The following INTS11 variants were observed in gnomAD, a reference collection of about 807,000 sequenced individuals.
The protein encoded by INTS11 is CPSF3-like protein.
In INTS11, 77 loss-of-function variants were observed where a neutral mutation model predicts 78.6. The ratio of observed to expected loss-of-function variants is 0.98; its 90% confidence interval spans 0.81 to 1.18. The LOEUF is 1.18. Ranked by LOEUF, INTS11 falls within the 50% of genes most tolerant of loss-of-function variation. The pLI is 0.00. For missense variants in INTS11, 875 were observed against 825.9 expected, an observed-to-expected ratio of 1.06 and a Z score of -0.73; for synonymous variants, 441 against 326.9, an observed-to-expected ratio of 1.35 and a Z score of -3.77.
Position 1,312,151 on chromosome 1 carries a change from TG to T in INTS11, c.1608-5del. 6.8e-7 allele frequency: 1 copy of T among 1,467,458 alleles called. No individual in the cohort carries two copies. Among genetic ancestry groups the T allele is most frequent in the Non-Finnish European group, 8.9e-7 (1 of 1,127,502 alleles). 90.9% of individuals were successfully genotyped at this position (1,467,458 alleles called of 1,614,324 possible). A position where few individuals can be genotyped will look rare whatever the true frequency, so the allele number is the denominator to read the frequency against. On this transcript the variant is annotated splice_region_variant and splice_polypyrimidine_tract_variant and intron_variant, in intron 15 of 16. Transcript: ENST00000435064. ...CACACAGTGGTCCTTCAGGACGCTG[TG>T]GGGAGGCTCGGTGAGACCCTGCCTG...
chr1:1,311,980 C>T (rs747292136), intron 16 of INTS11, 38 bp downstream of exon 16: 5 of 1,596,580 alleles, frequency 3.1e-6, no homozygotes, highest in Non-Finnish European at 4.3e-6. Flanking sequence ...AATGTTGATA[C>T]CTGTGTTGAC....
chr1:1,323,695 G>A (rs1643103032), intron 1 of INTS11, among the ~76,000 whole-genome samples: 1 of 151,218 alleles, frequency 6.6e-6, no homozygotes, highest in South Asian at 2.1e-4. Context: ...GCAGGCGTGA[G>A]CCACAGTGCC....
chr1:1,319,406 A>G lies in INTS11; in HGVS notation c.319T>C (p.Tyr107His). ...TTCTTGTCTACGGCGATCTTGCGGT[A>G]GTCCTCCAGCAAGATGGGGCAGATG... is the stretch of plus-strand genomic sequence containing the variant. ...QAICPILLEDYRKIAVDKKGE... is the reference protein window; with the variant it reads ...QAICPILLEDHRKIAVDKKGE... The change falls in exon 4 of 17, where the codon TAC (tyrosine) becomes CAC (histidine). Residue 107 changes from tyrosine to histidine, a missense_variant. Coordinates refer to ENST00000435064, the MANE Select transcript of INTS11 (RefSeq NM_017871.6). 6.2e-7 allele frequency: 1 copy of G among 1,613,362 alleles called. No individual in the cohort carries two copies. The highest frequency in any genetic ancestry group is 8.5e-7 in the Non-Finnish European group (1 of 1,179,984).
intron 3 of INTS11, 82 bp from the exon 4 acceptor site, chr1:1,319,606 C>A: frequency 1.1e-6 from 1 of 909,608 alleles, no homozygotes; most frequent in Non-Finnish European, 1.6e-6. Flanking sequence ...GTCACTGGCC[C>A]CTTCATTCGC....
In INTS11 at chr1:1,314,556, G is replaced by A. The variant is rs962161672; in HGVS notation, c.703-191C>T. On this transcript the variant is annotated intron_variant, in intron 7 of 16. Coordinates refer to ENST00000435064, the MANE Select transcript of INTS11 (RefSeq NM_017871.6). This position sits in a 1 kb window ranked among gnomAD's most constrained non-coding sequence, Gnocchi z 4.2. ...GCCGTATGAGAGACAGGAGGGAGCC[G>A]CATGAGAGACAGAAGGGAGCTGCAT... 19 of 635,148 alleles carry A rather than the reference G, an allele frequency of 3.0e-5. No homozygotes were observed. Among genetic ancestry groups the A allele is most frequent in the East Asian group, 5.5e-5 (2 of 36,082 alleles). 39.3% of individuals were successfully genotyped at this position (635,148 alleles called of 1,614,324 possible).
In INTS11 at chr1:1,312,672, G is replaced by T; in HGVS notation, c.1323C>A (p.Gly441=). ...GGCTTGTGGGCAGCGTCACCGTCTCGCCATTGGCCGGCATGTAGCAGTTGA... is the reference window on the plus strand; with the variant it reads ...GGCTTGTGGGCAGCGTCACCGTCTCTCCATTGGCCGGCATGTAGCAGTTGA... ...LRVNCYMPAN[G]ETVTLPTSPS... The change falls in exon 13 of 17, where the codon GGC becomes GGA. Residue 441 remains glycine (G), a synonymous_variant. Transcript: ENST00000435064. 6.3e-7 allele frequency: 1 copy of T among 1,595,174 alleles called. No homozygotes were observed. Among genetic ancestry groups the T allele is most frequent in the Non-Finnish European group, 8.6e-7 (1 of 1,167,892 alleles).
In INTS11 at chr1:1,313,687, A is replaced by AC. The variant is rs766281620; in HGVS notation, c.957+44dup. ...CCCAGACACCTGCGGAAGACAGGAGACCGACGGGTGTGGATGTGCTGGCCG... is the reference window on the plus strand; with the variant it reads ...CCCAGACACCTGCGGAAGACAGGAGACCCGACGGGTGTGGATGTGCTGGCCG... On this transcript the variant is annotated intron_variant, in intron 9 of 16. Coordinates refer to ENST00000435064, the MANE Select transcript of INTS11 (RefSeq NM_017871.6). 4.3e-6 allele frequency: 7 copies of AC among 1,609,840 alleles called. No individual in the cohort carries two copies. In the African/African-American group the frequency reaches 9.3e-5, roughly 22 times the overall value.
rs891561886 is a variant in INTS11 at position 1,314,491 on chromosome 1, T to C, written c.703-126A>G. On this transcript the variant is annotated intron_variant, in intron 7 of 16. Transcript: ENST00000435064. This position sits in a 1 kb window ranked among gnomAD's most constrained non-coding sequence, Gnocchi z 4.2. Reference sequence around the variant, plus strand: ...ATAGGGACCTTAGCCTCTCATCTGCTCCCAGTCCCGTCCCAGCCGCTCTCC... The same window carrying C: ...ATAGGGACCTTAGCCTCTCATCTGCCCCCAGTCCCGTCCCAGCCGCTCTCC... The C allele has an allele frequency of 2.4e-5, 20 of 823,748 alleles. No homozygotes were observed. In the African/African-American group the frequency reaches 3.5e-4, roughly 14 times the overall value. 51.0% of individuals were successfully genotyped at this position (823,748 alleles called of 1,614,324 possible).
intron 1 of INTS11, among the ~76,000 whole-genome samples, chr1:1,324,344 C>A (rs1643206398): frequency 6.6e-6 from 1 of 152,124 alleles, no homozygotes; most frequent in Non-Finnish European, 1.5e-5. Flanking sequence ...CCATCTGCGA[C>A]GTCCCCTCAC....
At position 1,314,581 on chromosome 1, in the gene INTS11, TGA is replaced by T. The variant is rs773345835; in HGVS notation, c.703-218_703-217del. 8.4e-5 allele frequency: 53 copies of T among 631,856 alleles called. No homozygotes were observed. Among genetic ancestry groups the T allele is most frequent in the Non-Finnish European group, 1.3e-4 (48 of 367,158 alleles). 39.1% of individuals were successfully genotyped at this position (631,856 alleles called of 1,614,324 possible). ...GCATGAGAGACAGAAGGGAGCTGCA[TGA>T]GAGACAGAAGGAGCCTGGCCAGGGC... On this transcript the variant is annotated intron_variant, in intron 7 of 16. Transcript: ENST00000435064. This position sits in a 1 kb window ranked among gnomAD's most constrained non-coding sequence, Gnocchi z 4.2.
At chr1:1,315,180 CA>C in intron 6 of INTS11, 1 of 719,694 alleles carries the variant, frequency 1.4e-6, no homozygotes, top group Non-Finnish European at 2.3e-6. Flanking sequence ...GAGACAGAGG[CA>C]CCCACCCAGA....
At chr1:1,322,074 C>T in intron 1 of INTS11, 1 of 824,508 alleles carries the variant, frequency 1.2e-6, no homozygotes. Flanking sequence ...TCTCAGCTGT[C>T]TCCTCCCTCT....
chr1:1,315,249 C>A (rs575028606), intron 6 of INTS11, 155 bp downstream of exon 6: 3 of 915,590 alleles, frequency 3.3e-6, no homozygotes, highest in Non-Finnish European at 5.1e-6. Context: ...TGTGCCTTCG[C>A]GCATTTGGGC....
intron 4 of INTS11, 143 bp downstream of exon 4, chr1:1,319,153 C>T: frequency 1.2e-6 from 1 of 849,400 alleles, no homozygotes; most frequent in Non-Finnish European, 2.1e-6. Context: ...TCCTGGTGTC[C>T]CCACGGTGCT....
intron 1 of INTS11, 125 bp from the exon 2 acceptor site, chr1:1,321,218 G>A (rs529464013): frequency 2.9e-6 from 2 of 694,930 alleles, no homozygotes; most frequent in African/African-American, 3.6e-5. Context: ...ACAGACACAT[G>A]GGCCAAGAAG....
chr1:1,315,930 G>A (rs1218711485), intron 4 of INTS11, among the ~76,000 whole-genome samples: 4 of 152,170 alleles, frequency 2.6e-5, no homozygotes, highest in South Asian at 2.1e-4. Context: ...GACGGGCAAC[G>A]TGGACAAAGA....
At chr1:1,320,851 C>A (rs756216698) in intron 2 of INTS11, 145 bp downstream of exon 2, 11 of 832,228 alleles carry the variant, frequency 1.3e-5, no homozygotes, top group Non-Finnish European at 2.0e-5. Context: ...CGGCCAGGCC[C>A]ACCCATCCCT....
intron 1 of INTS11, chr1:1,322,838 A>G: frequency 9.3e-7 from 1 of 1,078,904 alleles, no homozygotes; most frequent in Non-Finnish European, 1.1e-6. Flanking sequence ...ACGGAGCCCG[A>G]GGCAGTCCCT....
In INTS11 at chr1:1,313,042, C is replaced by A. The variant is rs1460168043; in HGVS notation, c.1124G>T (p.Arg375Leu). 2 of 1,610,958 alleles carry A rather than the reference C, an allele frequency of 1.2e-6. No homozygotes were observed. Among genetic ancestry groups the A allele is most frequent in the Admixed American group, 3.3e-5 (2 of 59,996 alleles). The change falls in exon 11 of 17, where the codon CGG (arginine) becomes CTG (leucine). Residue 375 changes from arginine to leucine, a missense_variant. Arg to Leu is a moderately radical substitution (Grantham distance 102). Coordinates refer to ENST00000435064, the MANE Select transcript of INTS11 (RefSeq NM_017871.6). ...SGQRKLEMEG[R>L]QVLEVKMQVE... is the part of the protein sequence containing the mutation. ...TGCGGGGTCGAGACTCACCACCTGC[C>A]GCCCCTCCATCTCGAGCTTCCGCTG...
Sources: allele counts gnomAD v4.1 joint callset (sites outside exome capture counted in the v4.1 genomes callset), GRCh38; gene constraint gnomAD v4.1.1; non-coding constraint Gnocchi (gnomAD v3.1); transcripts MANE v1.5; gene names NCBI Gene and HGNC (gene_info 2026-07-23, HGNC 2026-07-21).